GIPC2: variants seen among roughly 807,000 people sequenced by gnomAD.
GIPC2 encodes PDZ domain-containing protein GIPC2.
In GIPC2, 30 loss-of-function variants were observed where a neutral mutation model predicts 30.6. The observed-to-expected ratio is 0.98, with a 90% CI of 0.73 to 1.33. The LOEUF (loss-of-function observed/expected upper bound fraction) is 1.33, where lower values mean the gene tolerates loss of function less well. Ranked by LOEUF, GIPC2 falls within the 40% of genes most tolerant of loss-of-function variation. The pLI is 0.00. For missense variants in GIPC2, 414 were observed against 390.3 expected, an observed-to-expected ratio of 1.06 and a Z score of -0.51; for synonymous variants, 167 against 150.0, an observed-to-expected ratio of 1.11 and a Z score of -0.83.
chr1:78,118,275 A>G (rs1571522011), intron 3 of GIPC2, among the ~76,000 whole-genome samples: 1 of 121,150 alleles, frequency 8.3e-6, no homozygotes, highest in African/African-American at 3.1e-5. Flanking sequence ...AAAAAAGTGG[A>G]TGATCTGGCT....
At chr1:78,091,326 A>G (rs969310343) in intron 2 of GIPC2, among the ~76,000 whole-genome samples, 2 of 152,270 alleles carry the variant, frequency 1.3e-5, no homozygotes. Context: ...AAGGATCAGC[A>G]ACACAAATCT....
At chr1:78,093,647 C>T in intron 2 of GIPC2, among the ~76,000 whole-genome samples, 1 of 152,142 alleles carries the variant, frequency 6.6e-6, no homozygotes, top group South Asian at 2.1e-4. Flanking sequence ...TCAGTTTTCT[C>T]CTAGCTCTTG....
chr1:78,119,583 T>C, intron 4 of GIPC2, 84 bp downstream of exon 4: 1 of 797,590 alleles, frequency 1.3e-6, no homozygotes. Context: ...AAACTTGGAC[T>C]TTTAATTCAC....
At chr1:78,098,029 C>A (rs1161485639) in intron 3 of GIPC2, among the ~76,000 whole-genome samples, 7 of 152,074 alleles carry the variant, frequency 4.6e-5, no homozygotes, top group Admixed American at 3.3e-4. Context: ...AGCAGATGCC[C>A]ATTTTGCTAT....
chr1:78,114,478 T>G (rs1342667131), intron 3 of GIPC2, among the ~76,000 whole-genome samples: 1 of 152,230 alleles, frequency 6.6e-6, no homozygotes, highest in African/African-American at 2.4e-5. Context: ...GATTGATTTA[T>G]GTACCTGGAT....
At chr1:78,045,945 G>T (rs1450408173), upstream of GIPC2, 3 of 1,362,508 alleles carry the variant, frequency 2.2e-6, no homozygotes, top group Admixed American at 1.2e-4. Flanking sequence ...GTGGAGGTCG[G>T]GGCCCTGACC....
intron 3 of GIPC2, among the ~76,000 whole-genome samples, chr1:78,099,718 G>A (rs1299031816): frequency 4.6e-5 from 7 of 152,080 alleles, no homozygotes; most frequent in Admixed American, 1.3e-4. Context: ...GATTACAGGC[G>A]TGAGTCACTG....
intron 5 of GIPC2, among the ~76,000 whole-genome samples, chr1:78,131,828 G>C (rs593652): frequency 0.24 from 36,926 of 152,136 alleles, 5,218 homozygotes; most frequent in East Asian, 0.75. Context: ...GCTGCATGCT[G>C]CATTTTTGAA....
At chr1:78,096,702 T>C (rs1284103558) in intron 3 of GIPC2, among the ~76,000 whole-genome samples, 2 of 152,200 alleles carry the variant, frequency 1.3e-5, no homozygotes, top group Non-Finnish European at 2.9e-5. Flanking sequence ...CTGCCTTATG[T>C]ACCTAACTAC....
At chr1:78,093,360 T>C (rs587143) in intron 2 of GIPC2, among the ~76,000 whole-genome samples, 34,042 of 152,054 alleles carry the variant, frequency 0.22, 4,139 homozygotes, top group East Asian at 0.49. Flanking sequence ...AAAATAATGT[T>C]GGTAGATTAT....
chr1:78,068,494 C>A (rs1014790060), intron 1 of GIPC2, among the ~76,000 whole-genome samples: 2 of 152,176 alleles, frequency 1.3e-5, no homozygotes, highest in African/African-American at 4.8e-5. Context: ...GAAGTGGGAG[C>A]ATTCTTATTT....
chr1:78,078,202 A>AC (rs1553141278), intron 1 of GIPC2, among the ~76,000 whole-genome samples: 1 of 151,506 alleles, frequency 6.6e-6, no homozygotes, highest in South Asian at 2.1e-4. Flanking sequence ...AAAAAAAAAA[A>AC]AAAAAAAACC....
rs538770243 is a variant in GIPC2 at position 78,107,255 on chromosome 1, C to T, written c.607+12123C>T. ...TTCACTGCAGGGCTCAAAAGATCCT[C>T]CCACTTCAGCCTCCCAAGTAGCTGA... On this transcript the variant is annotated intron_variant, in intron 3 of 5. Transcript: ENST00000370759. Among the ~76,000 whole-genome samples, 4 of 152,140 alleles carry T rather than the reference C, an allele frequency of 2.6e-5. No individual in the cohort carries two copies. In the South Asian group the frequency reaches 8.3e-4, roughly 32 times the overall value.
chr1:78,053,501 C>T (rs1661232889), intron 1 of GIPC2, among the ~76,000 whole-genome samples: 1 of 152,040 alleles, frequency 6.6e-6, no homozygotes, highest in African/African-American at 2.4e-5. Context: ...GGTGAGAATC[C>T]CTGGTGGTCT....
At chr1:78,129,909 A>T (rs1255056139) in intron 5 of GIPC2, among the ~76,000 whole-genome samples, 1 of 152,130 alleles carries the variant, frequency 6.6e-6, no homozygotes, top group Non-Finnish European at 1.5e-5. Flanking sequence ...AGATCCTGAG[A>T]TGTGTGGAAA....
chr1:78,046,127 C>T lies in GIPC2; in HGVS notation c.33C>T (p.Ala11=), dbSNP rs373079832. The change falls in exon 1 of 6, where the codon GCC becomes GCT. Residue 11 remains alanine, a synonymous_variant. Coordinates refer to ENST00000370759, the MANE Select transcript of GIPC2 (RefSeq NM_017655.6). ...TGAAGCTGCGGGGGAAGAAGAAGGC[C>T]AAGTCCAAGGAGACCGCCGGGCTGG... MPLKLRGKKK[A]KSKETAGLVE... 29 of 1,507,202 alleles carry T rather than the reference C, an allele frequency of 1.9e-5. No homozygotes were observed. The highest frequency in any genetic ancestry group is 2.6e-5 in the Non-Finnish European group (29 of 1,131,764). The allele number at this position is 1,507,202 out of a possible 1,614,324, so 93.4% of individuals were successfully genotyped here. A position where few individuals can be genotyped will look rare whatever the true frequency, so the allele number is the denominator to read the frequency against.
intron 2 of GIPC2, chr1:78,092,102 T>C: frequency 8.2e-7 from 1 of 1,215,386 alleles, no homozygotes; most frequent in Non-Finnish European, 1.2e-6. Context: ...GGGTGGCCTG[T>C]GGTATATGGA....
intron 1 of GIPC2, among the ~76,000 whole-genome samples, chr1:78,049,205 A>G (rs930677810): frequency 3.3e-5 from 5 of 152,200 alleles, no homozygotes; most frequent in African/African-American, 1.2e-4. Context: ...TCTGTCGCCC[A>G]GGCTGGAGTG....
rs1005999286 is a variant in GIPC2, at chr1:78,137,317, T to C, written c.*1574T>C. The C allele has an allele frequency of 1.3e-5, 2 of 152,146 alleles. No individual in the cohort carries two copies. Among genetic ancestry groups the C allele is most frequent in the African/African-American group, 4.8e-5 (2 of 41,430 alleles). 9.4% of individuals were successfully genotyped at this position (152,146 alleles called of 1,614,324 possible). A position where few individuals can be genotyped will look rare whatever the true frequency, so the allele number is the denominator to read the frequency against. On this transcript the variant is annotated 3_prime_UTR_variant, in exon 6 of 6. Coordinates refer to ENST00000370759, the MANE Select transcript of GIPC2 (RefSeq NM_017655.6). ...CTATTAATTCTTAATATTACCTCTC[T>C]TGGAAAGACACAAAAAAAGAGCTGT...
Sources: gnomAD v4.1 joint callset for allele counts (sites outside exome capture counted in the v4.1 genomes callset) on GRCh38, gnomAD v4.1.1 for gene constraint, MANE v1.5 for transcripts, NCBI Gene and HGNC (gene_info 2026-07-23, HGNC 2026-07-21) for gene names.